The following TNNI3K variants were observed in gnomAD, a reference collection of about 807,000 sequenced individuals.
TNNI3K encodes TNNI3 interacting kinase.
In TNNI3K, 140 loss-of-function variants were observed where a neutral mutation model predicts 114.5. The ratio of observed to expected loss-of-function variants is 1.22; its 90% confidence interval spans 1.07 to 1.41. The LOEUF (loss-of-function observed/expected upper bound fraction) is 1.41, where lower values mean the gene tolerates loss of function less well. Ranked by LOEUF, TNNI3K falls within the 40% of genes most tolerant of loss-of-function variation. The pLI is 0.00. For synonymous variants in TNNI3K, 347 were observed against 347.5 expected, an observed-to-expected ratio of 1.00 and a Z score of 0.02; for missense variants, 1,125 against 1,007.6, an observed-to-expected ratio of 1.12 and a Z score of -1.58.
At chr1:74,253,444 G>A (rs1255077869) in intron 4 of TNNI3K, among the ~76,000 whole-genome samples, 1 of 152,150 alleles carries the variant, frequency 6.6e-6, no homozygotes, top group Non-Finnish European at 1.5e-5. Flanking sequence ...GGGGTCGGGG[G>A]GAAGCTCAGG....
intron 5 of TNNI3K, among the ~76,000 whole-genome samples, chr1:74,330,158 C>A (rs927001119): frequency 2.0e-5 from 3 of 151,974 alleles, no homozygotes; most frequent in African/African-American, 7.2e-5. Context: ...TGAAAGGTAG[C>A]AAAATATGCT....
At chr1:74,440,399 T>C (rs914144608) in intron 20 of TNNI3K, among the ~76,000 whole-genome samples, 12 of 152,112 alleles carry the variant, frequency 7.9e-5, no homozygotes, top group African/African-American at 2.7e-4. Context: ...TAAATAATTA[T>C]ATTGTAATCT....
chr1:74,381,891 A>G (rs1663220941), intron 17 of TNNI3K, among the ~76,000 whole-genome samples: 1 of 152,244 alleles, frequency 6.6e-6, no homozygotes, highest in African/African-American at 2.4e-5. Flanking sequence ...ATTTGGAAAC[A>G]TAATGGCAGA....
intron 17 of TNNI3K, chr1:74,373,464 A>G (rs556243152): frequency 3.0e-4 from 45 of 151,904 alleles, no homozygotes; most frequent in Non-Finnish European, 4.9e-4. Context: ...TTGTATTGAC[A>G]TGGTGTGTTT....
chr1:74,439,312 G>A, intron 19 of TNNI3K, 178 bp from the exon 20 acceptor site: 4 of 908,356 alleles, frequency 4.4e-6, no homozygotes, highest in Non-Finnish European at 6.1e-6. Context: ...AACACACTGT[G>A]TATGTATAAA....
chr1:74,362,196 G>A (rs530015907), intron 11 of TNNI3K, among the ~76,000 whole-genome samples: 10 of 152,222 alleles, frequency 6.6e-5, no homozygotes, highest in Admixed American at 2.6e-4. Context: ...ACTTTTCAAT[G>A]CTTCTGGAAA....
intron 23 of TNNI3K, among the ~76,000 whole-genome samples, chr1:74,525,966 G>A (rs1646499400): frequency 2.0e-5 from 3 of 152,338 alleles, no homozygotes; most frequent in East Asian, 1.9e-4. Context: ...TGACAGCAAA[G>A]AATACACAGA....
chr1:74,416,983 A>G (rs533743643), intron 17 of TNNI3K, among the ~76,000 whole-genome samples: 4 of 152,076 alleles, frequency 2.6e-5, no homozygotes, highest in Non-Finnish European at 5.9e-5. Context: ...TCTCACCTGA[A>G]CTCCAGAATC....
intron 20 of TNNI3K, among the ~76,000 whole-genome samples, chr1:74,444,605 G>T (rs1231234729): frequency 6.6e-6 from 1 of 152,016 alleles, no homozygotes; most frequent in Non-Finnish European, 1.5e-5. Flanking sequence ...TGGCCAGACT[G>T]CCCAAAGTAA....
At chr1:74,476,526 A>G (rs1399661111) in intron 21 of TNNI3K, among the ~76,000 whole-genome samples, 4 of 152,132 alleles carry the variant, frequency 2.6e-5, no homozygotes, top group African/African-American at 9.7e-5. Context: ...TCAACATTCT[A>G]TCCCCAGTGT....
At chr1:74,334,941 G>T (rs1358491850) in intron 6 of TNNI3K, among the ~76,000 whole-genome samples, 1 of 152,140 alleles carries the variant, frequency 6.6e-6, no homozygotes, top group East Asian at 1.9e-4. Context: ...GAGAGCAAAT[G>T]ACAAAAGTAG....
At chr1:74,276,557 C>A (rs1184173081) in intron 5 of TNNI3K, among the ~76,000 whole-genome samples, 1 of 152,022 alleles carries the variant, frequency 6.6e-6, no homozygotes, top group Non-Finnish European at 1.5e-5. Context: ...CCTTACTATG[C>A]TAAAAATTTA....
intron 22 of TNNI3K, among the ~76,000 whole-genome samples, chr1:74,491,009 GAT>G (rs1669042758): frequency 6.6e-6 from 1 of 152,174 alleles, no homozygotes; most frequent in South Asian, 2.1e-4. Flanking sequence ...CAAAATAAAA[GAT>G]ATGATTAGTC....
At chr1:74,448,512 G>A (rs1666817044) in intron 20 of TNNI3K, among the ~76,000 whole-genome samples, 1 of 146,020 alleles carries the variant, frequency 6.8e-6, no homozygotes, top group African/African-American at 2.7e-5. Context: ...GAATAGGAGT[G>A]GTGAGAGAGG....
intron 5 of TNNI3K, among the ~76,000 whole-genome samples, chr1:74,327,061 C>G (rs1659947334): frequency 7.4e-6 from 1 of 135,040 alleles, no homozygotes. Flanking sequence ...AGCCTGGAGA[C>G]AGAGCAAGAC....
intron 20 of TNNI3K, among the ~76,000 whole-genome samples, chr1:74,448,260 TAAAAAAAAAAAA>T (rs71588834): frequency 0.12 from 11,096 of 89,272 alleles, 586 homozygotes; most frequent in African/African-American, 0.17. Context: ...TAGAGTATAA[TAAAAAAAAAAAA>T]AAAAAAAAAA....
intron 17 of TNNI3K, chr1:74,401,998 A>C (rs761580517): frequency 3.4e-6 from 1 of 293,076 alleles, no homozygotes; most frequent in Admixed American, 4.4e-5. Flanking sequence ...TTATATATAT[A>C]TATTTTGAAT....
At chr1:74,543,850 T>C (rs540997403) in intron 24 of TNNI3K, 56 bp from the exon 25 acceptor site, 25 of 1,606,086 alleles carry the variant, frequency 1.6e-5, no homozygotes, top group East Asian at 9.0e-5. Flanking sequence ...TTATAAAAAA[T>C]TGGGGGATGT....
intron 21 of TNNI3K, among the ~76,000 whole-genome samples, chr1:74,478,152 C>T (rs1321605178): frequency 1.3e-5 from 2 of 152,104 alleles, no homozygotes; most frequent in Non-Finnish European, 2.9e-5. Context: ...ACTCACCACA[C>T]GTGTGCTTCA....
Sources: allele counts gnomAD v4.1 joint callset (sites outside exome capture counted in the v4.1 genomes callset), GRCh38; gene constraint gnomAD v4.1.1; transcripts MANE v1.5; gene names NCBI Gene and HGNC (gene_info 2026-07-23, HGNC 2026-07-21).